The following LPA variants were observed in gnomAD, a reference collection of about 807,000 sequenced individuals.
The protein encoded by LPA is lipoprotein(a).
In LPA, 199 loss-of-function variants were observed where a neutral mutation model predicts 197.9. The observed-to-expected ratio is 1.01, with a 90% CI of 0.90 to 1.13. The LOEUF is 1.13. Ranked by LOEUF, LPA falls within the 50% of genes most tolerant of loss-of-function variation. The probability of loss-of-function intolerance (pLI) is 0.00; values close to 1 mark genes in which losing one functional copy is unlikely to be tolerated. For synonymous variants in LPA, 715 were observed against 639.5 expected (o/e 1.12, Z -1.78); for missense variants, 1,853 against 1,785.8 (o/e 1.04, Z -0.68).
chr6:160,603,954 C>T (rs918502805), intron 18 of LPA, among the ~76,000 whole-genome samples: 1 of 152,146 alleles, frequency 6.6e-6, no homozygotes, highest in Non-Finnish European at 1.5e-5. Flanking sequence ...CTCCAGTATC[C>T]CAGAATGCTA....
Position 160,577,131 on chromosome 6 carries a change from C to T in LPA, c.4631+5G>A, listed in dbSNP as rs765839691. 20 of 1,613,110 alleles carry T rather than the reference C, an allele frequency of 1.2e-5. No individual in the cohort carries two copies. The Admixed American group carries it at 2.7e-4, about 22-fold the overall frequency. On this transcript the variant is annotated splice_donor_5th_base_variant and intron_variant, in intron 28 of 38. Transcript: ENST00000316300. ...CTCCTCTTATGGTTTTAATCAAATA[C>T]ATACGCATTTGGGTAGTTTTCTGGG...
At chr6:160,660,768 CA>C (rs150415123) in intron 1 of LPA, among the ~76,000 whole-genome samples, 18 of 146,124 alleles carry the variant, frequency 1.2e-4, no homozygotes, top group Admixed American at 2.0e-4. Context: ...AAAAATTAAG[CA>C]AAAAAAAAAT....
intron 1 of LPA, among the ~76,000 whole-genome samples, chr6:160,658,356 A>G (rs1780166133): frequency 6.6e-6 from 1 of 152,144 alleles, no homozygotes; most frequent in South Asian, 2.1e-4. Context: ...TCGCATGATA[A>G]CAGCTTGTCT....
At position 160,650,356 on chromosome 6, in the gene LPA, G is replaced by A. The variant is rs1779980645; in HGVS notation, c.191C>T (p.Thr64Ile). 2 of 1,613,556 alleles carry A rather than the reference G, an allele frequency of 1.2e-6. No homozygotes were observed. The highest frequency in any genetic ancestry group is 1.7e-6 in the Non-Finnish European group (2 of 1,179,750). The change falls in exon 2 of 39, where the codon ACA becomes ATA. Residue 64 changes from threonine to isoleucine, a missense_variant. Physicochemically the swap from Thr to Ile is moderately conservative, Grantham distance 89 (BLOSUM62 -1). Transcript: ENST00000316300. ...GACATACGCATTTGGGTAGTTTTCT[G>A]TGGTCCTATTATGTTGATGTGGTGT... Reference protein sequence around the residue: ...SMTPHQHNRTTENYPNAGLIM... With the variant: ...SMTPHQHNRTIENYPNAGLIM...
chr6:160,537,611 C>T (rs181826178), intron 37 of LPA, among the ~76,000 whole-genome samples: 2 of 151,798 alleles, frequency 1.3e-5, no homozygotes, highest in Admixed American at 6.6e-5. Context: ...ACAATCATTA[C>T]AAAAAAAATT....
rs1185362884 is a variant in LPA at position 160,606,603 on chromosome 6, A to C, written c.2659T>G (p.Tyr887Asp). The change falls in exon 17 of 39, where the codon TAT (tyrosine) becomes GAT (aspartate). Residue 887 changes from tyrosine (Y) to aspartate (D), a missense_variant. By Grantham distance (160) the Tyr-to-Asp change is radical. Around this residue, in one of 3 missense-constraint regions of LPA, gnomAD observed 1,737 missense variants for 1,504.4 expected, o/e 1.15. Coordinates refer to ENST00000316300, the MANE Select transcript of LPA (RefSeq NM_005577.4). Reference protein sequence around the residue: ...NPDPVAAPYCYTRDPSVRWEY... With the variant: ...NPDPVAAPYCDTRDPSVRWEY... ...CACCTGACACTGGGATCCCTCGTAT[A>C]ACAATAAGGGGCTGCCACAGGATCT... The C allele has an allele frequency of 6.2e-7, 1 of 1,613,968 alleles. No homozygotes were observed. Among genetic ancestry groups the C allele is most frequent in the Non-Finnish European group, 8.5e-7 (1 of 1,179,954 alleles).
Position 160,591,105 on chromosome 6 carries a change from C to T in LPA, c.3630-4G>A, listed in dbSNP as rs779223180. 6.2e-6 allele frequency: 10 copies of T among 1,613,284 alleles called. No individual in the cohort carries two copies. Among genetic ancestry groups the T allele is most frequent in the South Asian group, 1.1e-5 (1 of 91,050 alleles). On this transcript the variant is annotated splice_polypyrimidine_tract_variant and splice_region_variant and intron_variant, in intron 22 of 38. Transcript: ENST00000316300. ...GCAGTAGTTCCTGGTCAGGCCACTG[C>T]AAATTACAAAACAATACAGTTCACC...
rs61213360 is a variant in LPA at position 160,651,013 on chromosome 6, T to A, written c.50-516A>T. On this transcript the variant is annotated intron_variant, in intron 1 of 38. Coordinates refer to ENST00000316300, the MANE Select transcript of LPA (RefSeq NM_005577.4). ...AAGCCCTTCACTTCTCAGGGATAGG[T>A]AGATGATCAAATCTTATTTCCTTGG... Among the ~76,000 whole-genome samples, 1,492 of 152,296 alleles carry A rather than the reference T, an allele frequency of 9.8e-3. 24 individuals carry two copies. Among genetic ancestry groups the A allele is most frequent in the African/African-American group, 0.034 (1,417 of 41,566 alleles).
At chr6:160,603,855 A>G (rs1779291281) in intron 18 of LPA, among the ~76,000 whole-genome samples, 1 of 152,096 alleles carries the variant, frequency 6.6e-6, no homozygotes, top group African/African-American at 2.4e-5. Context: ...CTAGAAATTT[A>G]CTAATTCTAC....
In LPA at chr6:160,531,588, C is replaced by G; in HGVS notation, c.*141G>C. The G allele has an allele frequency of 8.6e-7, 1 of 1,168,868 alleles. No individual in the cohort carries two copies. The highest frequency in any genetic ancestry group is 1.3e-6 in the Non-Finnish European group (1 of 797,464). The allele number at this position is 1,168,868 out of a possible 1,614,324, so 72.4% of individuals were successfully genotyped here. A position where few individuals can be genotyped will look rare whatever the true frequency, so the allele number is the denominator to read the frequency against. ...CTTAAAAGCTTATACACAAAAATACCAAAAATGCCAAGGTTTGGCATAGCT... is the reference window on the plus strand; with the variant it reads ...CTTAAAAGCTTATACACAAAAATACGAAAAATGCCAAGGTTTGGCATAGCT... On this transcript the variant is annotated 3_prime_UTR_variant, in exon 39 of 39. Transcript: ENST00000316300.
intron 28 of LPA, among the ~76,000 whole-genome samples, chr6:160,576,573 G>A (rs1370135257): frequency 7.0e-6 from 1 of 143,634 alleles, no homozygotes; most frequent in Non-Finnish European, 1.5e-5. Context: ...AATTTTTAAT[G>A]AAATATTAAA....
At chr6:160,576,728 A>ATT (rs540460722) in intron 28 of LPA, among the ~76,000 whole-genome samples, 2 of 115,176 alleles carry the variant, frequency 1.7e-5, no homozygotes, top group Non-Finnish European at 1.9e-5. Context: ...ACACATCTTA[A>ATT]TTTTTTTTTT....
At chr6:160,600,888 G>T (rs760728608) in intron 19 of LPA, 29 bp downstream of exon 19, 33 of 1,609,448 alleles carry the variant, frequency 2.1e-5, no homozygotes, top group African/African-American at 2.7e-5. Flanking sequence ...CAGCATCCAA[G>T]CAGGTAAATG....
rs746975449 is a variant in LPA, at chr6:160,590,949, T to C, written c.3782A>G (p.Glu1261Gly). The stretch of plus-strand genomic sequence containing the variant: ...TCTGGCCAGAGACTTCTTACCTTGT[T>C]CAGAAACAGCCGTGGACGTCGCAAG... ...SVLATSTAVS[E>G]QAPTEQSPTV... Residue 1261 changes from glutamate to glycine, a missense_variant, in exon 23 of 39, where the codon GAA becomes GGA. By Grantham distance (98) the Glu-to-Gly change is moderately conservative. Coordinates refer to ENST00000316300, the MANE Select transcript of LPA (RefSeq NM_005577.4). The C allele has an allele frequency of 1.9e-6, 3 of 1,613,960 alleles. No individual in the cohort carries two copies. Among genetic ancestry groups the C allele is most frequent in the East Asian group, 2.2e-5 (1 of 44,856 alleles).
intron 1 of LPA, among the ~76,000 whole-genome samples, chr6:160,655,934 G>T (rs1478477870): frequency 6.6e-6 from 1 of 152,218 alleles, no homozygotes; most frequent in Admixed American, 6.5e-5. Context: ...TGCTGGCCTT[G>T]TCAGCTGAAG....
At chr6:160,650,834 C>T (rs1263502281) in intron 1 of LPA, among the ~76,000 whole-genome samples, 1 of 152,136 alleles carries the variant, frequency 6.6e-6, no homozygotes, top group Admixed American at 6.6e-5. Flanking sequence ...GAGGGAGATA[C>T]ATTTGGCACT....
At chr6:160,583,895 T>C (rs2115036740) in intron 26 of LPA, among the ~76,000 whole-genome samples, 1 of 152,332 alleles carries the variant, frequency 6.6e-6, no homozygotes, top group Non-Finnish European at 1.5e-5. Flanking sequence ...CTAAACTATC[T>C]CAGGTTGTAC....
intron 16 of LPA, among the ~76,000 whole-genome samples, chr6:160,607,553 T>G (rs889237359): frequency 2.0e-5 from 3 of 152,148 alleles, no homozygotes; most frequent in African/African-American, 7.2e-5. Context: ...GGTAGGAGTT[T>G]GGGCTGCGGG....
At chr6:160,664,028 A>T in intron 1 of LPA, 138 bp downstream of exon 1, 1 of 1,192,484 alleles carries the variant, frequency 8.4e-7, no homozygotes, top group Non-Finnish European at 1.2e-6. Context: ...AGAATTTTTC[A>T]ATCATATACA....
Sources: gnomAD v4.1 joint callset for allele counts (sites outside exome capture counted in the v4.1 genomes callset) on GRCh38, gnomAD v4.1.1 for gene constraint, gnomAD v4.1.1 regional missense constraint, MANE v1.5 for transcripts, NCBI Gene and HGNC (gene_info 2026-07-23, HGNC 2026-07-21) for gene names.